PTN: variants seen among roughly 807,000 people sequenced by gnomAD.
The protein encoded by PTN is pleiotrophin.
PTN carries 18 observed loss-of-function variants against 24.1 expected under a neutral mutation model. The ratio of observed to expected loss-of-function variants is 0.75; its 90% CI spans 0.52 to 1.11. The LOEUF (loss-of-function observed/expected upper bound fraction) is 1.11, where lower values mean the gene tolerates loss of function less well. Ranked by LOEUF, PTN falls within the 50% of genes least tolerant of loss-of-function variation. The pLI is 0.00. For synonymous variants in PTN, 78 were observed against 68.6 expected (o/e 1.14, Z -0.67); for missense variants, 163 against 198.8 (o/e 0.82, Z 1.08).
intron 1 of PTN, among the ~76,000 whole-genome samples, chr7:137,277,132 A>C (rs1187767535): frequency 6.6e-6 from 1 of 152,236 alleles, no homozygotes; most frequent in Non-Finnish European, 1.5e-5. Context: ...GGGCAAAAAA[A>C]CTGGACACTT....
chr7:137,237,271 GCTGTCTATAAACCAGGAAGA>G (rs1441910720), intron 4 of PTN, among the ~76,000 whole-genome samples: 1 of 150,094 alleles, frequency 6.7e-6, no homozygotes, highest in Non-Finnish European at 1.5e-5. Context: ...GGAAAAGACA[GCTGTCTATAAACCAGGAAGA>G]GGGGCCTCAT....
chr7:137,330,919 G>A (rs1810347748), intron 1 of PTN, among the ~76,000 whole-genome samples: 1 of 152,146 alleles, frequency 6.6e-6, no homozygotes, highest in African/African-American at 2.4e-5. Flanking sequence ...GGGCCATAAG[G>A]ACCCTATGGC....
chr7:137,253,563 G>T lies in PTN; in HGVS notation c.190C>A (p.Leu64Met), dbSNP rs1808866100. ...GTCCGAGTGCCCTCCCGTGTGCCCAGCCCACAGTCTCCACTGGTGGGCACA... is the reference window on the plus strand; with the variant it reads ...GTCCGAGTGCCCTCCCGTGTGCCCATCCCACAGTCTCCACTGGTGGGCACA... ...VCVPTSGDCGLGTREGTRTGA... is the reference protein window; with the variant it reads ...VCVPTSGDCGMGTREGTRTGA... Residue 64 changes from leucine (L) to methionine (M), a missense_variant, in exon 3 of 5, where the codon CTG (leucine) becomes ATG (methionine). Coordinates refer to ENST00000348225, the MANE Select transcript of PTN (RefSeq NM_002825.7). 4 of 1,611,980 alleles carry T rather than the reference G, an allele frequency of 2.5e-6. No homozygotes were observed. The highest frequency in any genetic ancestry group is 1.7e-4 in the Middle Eastern group (1 of 6,050).
At chr7:137,229,262 C>G (rs1325315466) in intron 4 of PTN, among the ~76,000 whole-genome samples, 1 of 151,672 alleles carries the variant, frequency 6.6e-6, no homozygotes, top group Non-Finnish European at 1.5e-5. Flanking sequence ...AATCCTTAAT[C>G]ATTATCAAGG....
chr7:137,297,753 G>T (rs6961948), intron 1 of PTN, among the ~76,000 whole-genome samples: 9,312 of 152,038 alleles, frequency 0.061, 614 homozygotes, highest in African/African-American at 0.17. Flanking sequence ...GACGGCAAAC[G>T]AATCTATTGA....
intron 1 of PTN, among the ~76,000 whole-genome samples, chr7:137,338,944 G>T (rs762319720): frequency 6.6e-6 from 1 of 151,838 alleles, no homozygotes; most frequent in Admixed American, 6.6e-5. Context: ...GAAGAGTTGT[G>T]ACAATACTAA....
intron 1 of PTN, 46 bp from the exon 2 acceptor site, chr7:137,255,020 C>A: frequency 1.5e-6 from 2 of 1,371,708 alleles, no homozygotes; most frequent in South Asian, 1.6e-5. Flanking sequence ...TAACCTAAGT[C>A]AGAAAGGAAG....
chr7:137,244,089 A>C (rs1585008882), intron 4 of PTN, among the ~76,000 whole-genome samples: 1 of 151,912 alleles, frequency 6.6e-6, no homozygotes, highest in Non-Finnish European at 1.5e-5. Flanking sequence ...ATTAATCTAT[A>C]TTAATTAAAC....
rs565420313 is a variant in PTN at position 137,305,015 on chromosome 7, G to A, written c.-2+38424C>T. Reference sequence around the variant, plus strand: ...TTTACCAAGCATGGCTGAGCAATTCGAGGTGCTCAGAACCAAACCACAACA... The same window carrying A: ...TTTACCAAGCATGGCTGAGCAATTCAAGGTGCTCAGAACCAAACCACAACA... On this transcript the variant is annotated intron_variant, in intron 1 of 4. Coordinates refer to ENST00000348225, the MANE Select transcript of PTN (RefSeq NM_002825.7). 6.6e-5 allele frequency among the ~76,000 whole-genome samples: 10 copies of A among 152,114 alleles called. No individual in the cohort carries two copies. The South Asian group carries it at 1.7e-3, about 25-fold the overall frequency.
intron 1 of PTN, among the ~76,000 whole-genome samples, chr7:137,337,757 G>A (rs1562975399): frequency 1.3e-5 from 2 of 152,264 alleles, no homozygotes; most frequent in South Asian, 2.1e-4. Context: ...GTTTCTGGAG[G>A]TTCAAAGTTG....
At chr7:137,293,077 C>T (rs962660154) in intron 1 of PTN, among the ~76,000 whole-genome samples, 10 of 152,100 alleles carry the variant, frequency 6.6e-5, no homozygotes, top group Non-Finnish European at 1.3e-4. Flanking sequence ...TGACACTTAC[C>T]ATTTTGCATT....
Position 137,269,735 on chromosome 7 carries a change from C to T in PTN, c.-1-14761G>A, listed in dbSNP as rs367997398. 2.1e-4 allele frequency among the ~76,000 whole-genome samples: 30 copies of T among 145,994 alleles called. No individual in the cohort carries two copies. In the South Asian group the frequency reaches 4.6e-3, roughly 23 times the overall value. On this transcript the variant is annotated intron_variant, in intron 1 of 4. Transcript: ENST00000348225. The stretch of plus-strand genomic sequence containing the variant: ...GCAACCTCCACCTCCTGGGTTCAAG[C>T]GATTCTCCTGTCTTGGCCTCCCAAG...
In PTN at chr7:137,284,251, G is replaced by T. The variant is rs185795335; in HGVS notation, c.-1-29277C>A. Among the ~76,000 whole-genome samples the T allele has an allele frequency of 3.6e-3, 541 of 151,916 alleles. 6 individuals are homozygous for T. The highest frequency in any genetic ancestry group is 0.024 in the Middle Eastern group (7 of 292). ...GATTACAAGCGTGAGCCACCGCGCCGGGCCGAGCATCATATTTTATAATGG... is the reference window on the plus strand; with the variant it reads ...GATTACAAGCGTGAGCCACCGCGCCTGGCCGAGCATCATATTTTATAATGG... On this transcript the variant is annotated intron_variant, in intron 1 of 4. Coordinates refer to ENST00000348225, the MANE Select transcript of PTN (RefSeq NM_002825.7).
intron 1 of PTN, among the ~76,000 whole-genome samples, chr7:137,308,690 G>A (rs566339852): frequency 7.7e-4 from 117 of 152,206 alleles, no homozygotes; most frequent in Middle Eastern, 3.4e-3. Flanking sequence ...GACCAAGGAC[G>A]AGATGCTCCT....
intron 2 of PTN, 117 bp from the exon 3 acceptor site, chr7:137,253,754 T>C: frequency 1.1e-6 from 1 of 889,720 alleles, no homozygotes; most frequent in Non-Finnish European, 1.6e-6. Context: ...ATCTGTATCC[T>C]TATTGTCTAA....
At chr7:137,288,473 T>A (rs912930428) in intron 1 of PTN, among the ~76,000 whole-genome samples, 1 of 152,234 alleles carries the variant, frequency 6.6e-6, no homozygotes, top group African/African-American at 2.4e-5. Context: ...TTATTATTTA[T>A]GCTTTAAAGG....
At chr7:137,285,371 A>G (rs1189334741) in intron 1 of PTN, among the ~76,000 whole-genome samples, 1 of 152,220 alleles carries the variant, frequency 6.6e-6, no homozygotes, top group East Asian at 1.9e-4. Flanking sequence ...AATTTAAAGT[A>G]GTTGCTAACC....
intron 1 of PTN, among the ~76,000 whole-genome samples, chr7:137,307,083 G>T (rs1809901042): frequency 6.6e-6 from 1 of 152,078 alleles, no homozygotes; most frequent in South Asian, 2.1e-4. Context: ...AATTCAATTA[G>T]GTATCGGTGG....
intron 4 of PTN, among the ~76,000 whole-genome samples, chr7:137,249,016 T>C (rs1808775013): frequency 6.6e-6 from 1 of 152,156 alleles, no homozygotes; most frequent in Non-Finnish European, 1.5e-5. Flanking sequence ...CTTCATTACA[T>C]GTTATTAGAT....
Sources: gnomAD v4.1 joint callset for allele counts (sites outside exome capture counted in the v4.1 genomes callset) on GRCh38, gnomAD v4.1.1 for gene constraint, MANE v1.5 for transcripts, NCBI Gene and HGNC (gene_info 2026-07-23, HGNC 2026-07-21) for gene names.